The following BICRA variants were observed in gnomAD, a reference collection of about 807,000 sequenced individuals.
BICRA encodes the protein BRD4-interacting chromatin-remodeling complex-associated protein.
Under a neutral mutation model 96.9 loss-of-function variants are expected in BICRA, and 31 were observed. That is an observed-to-expected ratio of 0.32 (90% confidence interval 0.24 to 0.43). The LOEUF (loss-of-function observed/expected upper bound fraction) is 0.43. Among genes scored for constraint, BICRA ranks in the 20% least tolerant of loss-of-function variants. BICRA has a pLI of 1.00. For missense variants in BICRA, 2,283 were observed against 2,190.3 expected, an observed-to-expected ratio of 1.04 and a Z score of -0.84; for synonymous variants, 1,350 against 1,071.8, an observed-to-expected ratio of 1.26 and a Z score of -5.07.
Position 47,675,749 on chromosome 19 carries a change from C to G in BICRA, c.85-102C>G. The G allele has an allele frequency of 1.1e-6, 1 of 881,906 alleles. No individual in the cohort carries two copies. Among genetic ancestry groups the G allele is most frequent in the Admixed American group, 2.0e-5 (1 of 49,888 alleles). 54.6% of individuals were successfully genotyped at this position (881,906 alleles called of 1,614,324 possible). ...TACCCCCAGCCCTCTCCCATCCCAA[C>G]CCTTGTCTTTTTGTCCTGAGTGACC... On this transcript the variant is annotated intron_variant, in intron 4 of 14. Coordinates refer to ENST00000594866, the MANE Select transcript of BICRA (RefSeq NM_001394372.1). The surrounding 1 kb of genome is among the most constrained non-coding windows in gnomAD (Gnocchi z 4.7).
In BICRA at chr19:47,698,926, C is replaced by G; in HGVS notation, c.3398-39C>G. On this transcript the variant is annotated intron_variant, in intron 12 of 14. Coordinates refer to ENST00000594866, the MANE Select transcript of BICRA (RefSeq NM_001394372.1). This position sits in a 1 kb window ranked among gnomAD's most constrained non-coding sequence, Gnocchi z 4.8. ...CCTTCCTGCGCATCCGCGGCCGCCC[C>G]CAACATCTCCGCCCTTGCCTCTCTT... 1 of 1,490,650 alleles carries G rather than the reference C, an allele frequency of 6.7e-7. No homozygotes were observed. The highest frequency in any genetic ancestry group is 9.2e-7 in the Non-Finnish European group (1 of 1,089,090). 92.3% of individuals were successfully genotyped at this position (1,490,650 alleles called of 1,614,324 possible).
intron 1 of BICRA, among the ~76,000 whole-genome samples, chr19:47,668,090 C>T (rs556651559): frequency 2.8e-4 from 43 of 152,160 alleles, no homozygotes; most frequent in African/African-American, 1.0e-3. Flanking sequence ...ATTAGCTGGG[C>T]GTGGTGGTGC....
intron 1 of BICRA, among the ~76,000 whole-genome samples, chr19:47,622,885 A>G (rs1972085809): frequency 6.6e-6 from 1 of 151,636 alleles, no homozygotes; most frequent in Non-Finnish European, 1.5e-5. Flanking sequence ...TAAAAATACA[A>G]AAATTAGCTG....
intron 1 of BICRA, among the ~76,000 whole-genome samples, chr19:47,618,293 G>C (rs1174521875): frequency 6.6e-6 from 1 of 152,162 alleles, no homozygotes; most frequent in South Asian, 2.1e-4. Flanking sequence ...TTAAAGTCCT[G>C]TTTCTGCTCC....
chr19:47,685,786 T>TGTGCGC, intron 7 of BICRA, among the ~76,000 whole-genome samples: 1,263 of 117,906 alleles, frequency 0.011, 13 homozygotes, highest in East Asian at 0.028. Flanking sequence ...TGTGTGTGTG[T>TGTGCGC]GCGCGCGCGC....
intron 1 of BICRA, among the ~76,000 whole-genome samples, chr19:47,621,974 T>A (rs527668497): frequency 6.6e-6 from 1 of 151,528 alleles, no homozygotes; most frequent in South Asian, 2.1e-4. Flanking sequence ...GTACTTTATT[T>A]TTTTTTTTTT....
chr19:47,682,153 G>A lies in BICRA; in HGVS notation c.2283+1G>A. The A allele has an allele frequency of 2.1e-6, 3 of 1,402,760 alleles. No homozygotes were observed. The highest frequency in any genetic ancestry group is 2.6e-5 in the South Asian group (2 of 77,488). The allele number at this position is 1,402,760 out of a possible 1,614,324, so 86.9% of individuals were successfully genotyped here. A position where few individuals can be genotyped will look rare whatever the true frequency, so the allele number is the denominator to read the frequency against. ...GGCTTCCCCGGCTCCGGCCCCCCAG[G>A]TAGAGGGACCCCAGCAGCCTGTGTC... On this transcript the variant is annotated splice_donor_variant, in intron 7 of 14. Coordinates refer to ENST00000594866, the MANE Select transcript of BICRA (RefSeq NM_001394372.1). LOFTEE classifies it high-confidence loss of function.
chr19:47,680,983 C>T lies in BICRA; in HGVS notation c.1813C>T (p.Pro605Ser). 1 of 1,465,326 alleles carries T rather than the reference C, an allele frequency of 6.8e-7. No homozygotes were observed. Among genetic ancestry groups the T allele is most frequent in the South Asian group, 1.3e-5 (1 of 75,796 alleles). 90.8% of individuals were successfully genotyped at this position (1,465,326 alleles called of 1,614,324 possible). A position where few individuals can be genotyped will look rare whatever the true frequency, so the allele number is the denominator to read the frequency against. Residue 605 changes from proline (P) to serine (S), a missense_variant, in exon 6 of 15, where the codon CCG (proline) becomes TCG (serine). Pro to Ser is a moderately conservative substitution (Grantham distance 74). Transcript: ENST00000594866. ...CAACACCCCCGACGGCCTGGTGCAG[C>T]CGGCCACCCCTGCCGCTGCCACCGG... ...MLNTPDGLVQ[P>S]ATPAAATGEA...
intron 7 of BICRA, 32 bp from the exon 8 acceptor site, chr19:47,694,083 G>GGCCCCCCCCCCCCCCCCCCCC: frequency 9.1e-7 from 1 of 1,093,876 alleles, no homozygotes; most frequent in Non-Finnish European, 1.2e-6. Context: ...TCTGACCCCC[G>GGCCCCCCCCCCCCCCCCCCCC]CCCCTCCCCT....
At chr19:47,629,504 T>A (rs1256974941) in intron 1 of BICRA, among the ~76,000 whole-genome samples, 1 of 152,232 alleles carries the variant, frequency 6.6e-6, no homozygotes, top group Non-Finnish European at 1.5e-5. Flanking sequence ...TGTGACAGGA[T>A]TTCTCTCCTC....
chr19:47,679,837 G>A lies in BICRA; in HGVS notation c.667G>A (p.Gly223Arg). The change falls in exon 6 of 15, where the codon GGG becomes AGG. Residue 223 changes from glycine (G) to arginine (R), a missense_variant. By Grantham distance (125) the Gly-to-Arg change is moderately radical. Transcript: ENST00000594866. Reference sequence around the variant, plus strand: ...CCAAGGCCTGCCCAATGGCAGCCCTGGGGGTGCCACGGCGGCCACACTGGG... The same window carrying A: ...CCAAGGCCTGCCCAATGGCAGCCCTAGGGGTGCCACGGCGGCCACACTGGG... Reference protein sequence around the residue: ...GLQGLPNGSPGGATAATLGLA... With the variant: ...GLQGLPNGSPRGATAATLGLA... 2 of 1,490,934 alleles carry A rather than the reference G, an allele frequency of 1.3e-6. No individual in the cohort carries two copies. The highest frequency in any genetic ancestry group is 2.5e-5 in the East Asian group (1 of 39,220). The allele number at this position is 1,490,934 out of a possible 1,614,324, so 92.4% of individuals were successfully genotyped here.
rs760961792 is a variant in BICRA at position 47,694,492 on chromosome 19, T to C, written c.2661T>C (p.Ala887=). Residue 887 remains alanine, a synonymous_variant, in exon 8 of 15, where the codon GCT becomes GCC. Transcript: ENST00000594866. ...TCCCTCCATCCTCCACCTCCTCTGC[T>C]GTGGCCTCCTCCTCTGAGACGTCCT... The part of the protein sequence containing the change: ...PHLPPSSTSS[A]VASSSETSSR... 8.3e-7 allele frequency: 1 copy of C among 1,207,598 alleles called. No individual in the cohort carries two copies. Among genetic ancestry groups the C allele is most frequent in the Non-Finnish European group, 1.1e-6 (1 of 897,682 alleles). 74.8% of individuals were successfully genotyped at this position (1,207,598 alleles called of 1,614,324 possible).
In BICRA at chr19:47,698,583, C is replaced by T; in HGVS notation, c.3249-51C>T. 1.3e-6 allele frequency: 1 copy of T among 777,134 alleles called. No individual in the cohort carries two copies. The highest frequency in any genetic ancestry group is 2.6e-5 in the East Asian group (1 of 39,012). 48.1% of individuals were successfully genotyped at this position (777,134 alleles called of 1,614,324 possible). On this transcript the variant is annotated intron_variant, in intron 11 of 14. Coordinates refer to ENST00000594866, the MANE Select transcript of BICRA (RefSeq NM_001394372.1). This position sits in a 1 kb window ranked among gnomAD's most constrained non-coding sequence, Gnocchi z 4.8. ...TTCAGGGACTTCCCCTGGCCCTCAC[C>T]CGTCCCCCCCACCCTCCGCCGTGTG... is the stretch of plus-strand genomic sequence containing the variant.
chr19:47,639,678 C>T (rs1396870462), intron 1 of BICRA, among the ~76,000 whole-genome samples: 4 of 139,670 alleles, frequency 2.9e-5, no homozygotes, highest in African/African-American at 1.1e-4. Context: ...TTCTCTGTGT[C>T]GCCCTGGTTG....
At chr19:47,611,984 C>T (rs1971914491) in intron 1 of BICRA, among the ~76,000 whole-genome samples, 1 of 151,870 alleles carries the variant, frequency 6.6e-6, no homozygotes, top group African/African-American at 2.4e-5. Context: ...GATTGTCCTG[C>T]CTCAGCGTCC....
At position 47,698,385 on chromosome 19, in the gene BICRA, T is replaced by A. The variant is rs1490379999; in HGVS notation, c.3249-249T>A. Among the ~76,000 whole-genome samples, 4 of 152,122 alleles carry A rather than the reference T, an allele frequency of 2.6e-5. No homozygotes were observed. Among genetic ancestry groups the A allele is most frequent in the Non-Finnish European group, 4.4e-5 (3 of 68,006 alleles). ...TTACGTGCTTTGGAGAGGAGTGACTTCACTTCCTCGACCTCACCTTCCCTT... is the reference window on the plus strand; with the variant it reads ...TTACGTGCTTTGGAGAGGAGTGACTACACTTCCTCGACCTCACCTTCCCTT... On this transcript the variant is annotated intron_variant, in intron 11 of 14. Transcript: ENST00000594866. This position sits in a 1 kb window ranked among gnomAD's most constrained non-coding sequence, Gnocchi z 4.8.
intron 11 of BICRA, 42 bp downstream of exon 11, chr19:47,696,554 C>T (rs1973346805): frequency 1.3e-6 from 2 of 1,551,908 alleles, no homozygotes; most frequent in Admixed American, 1.9e-5. Flanking sequence ...CCTGTACCTT[C>T]CAGAGACCTG....
chr19:47,701,292 C>G lies in BICRA; in HGVS notation c.3596-36C>G. The G allele has an allele frequency of 6.5e-7, 1 of 1,540,002 alleles. No homozygotes were observed. Among genetic ancestry groups the G allele is most frequent in the South Asian group, 1.1e-5 (1 of 88,842 alleles). The stretch of plus-strand genomic sequence containing the variant: ...CCAGCTCGGTCGGGGGGTCCTCATC[C>G]TAACCCCGCGGGTTTTCTTTGCCCC... On this transcript the variant is annotated intron_variant, in intron 14 of 14. Coordinates refer to ENST00000594866, the MANE Select transcript of BICRA (RefSeq NM_001394372.1). This position sits in a 1 kb window ranked among gnomAD's most constrained non-coding sequence, Gnocchi z 5.4.
At chr19:47,676,318 G>A (rs755378281) in intron 5 of BICRA, among the ~76,000 whole-genome samples, 5 of 152,128 alleles carry the variant, frequency 3.3e-5, no homozygotes, top group Admixed American at 2.0e-4. Context: ...ATGGCAGGGT[G>A]TGACCTAGGG....
Sources: gnomAD v4.1 joint callset for allele counts (sites outside exome capture counted in the v4.1 genomes callset) on GRCh38, gnomAD v4.1.1 for gene constraint, Gnocchi (gnomAD v3.1) non-coding constraint, MANE v1.5 for transcripts, NCBI Gene and HGNC (gene_info 2026-07-23, HGNC 2026-07-21) for gene names.